CCDC12: variants seen among roughly 807,000 people sequenced by gnomAD.
CCDC12 encodes coiled-coil domain-containing protein 12.
A neutral mutation model predicts 25.7 loss-of-function variants in CCDC12; 28 were observed. The ratio of observed to expected loss-of-function variants is 1.09; its 90% confidence interval spans 0.81 to 1.50. The LOEUF (loss-of-function observed/expected upper bound fraction) is 1.50. CCDC12 is among the 40% of genes most tolerant of loss of function. The pLI is 0.00. For missense variants in CCDC12, 198 were observed against 210.0 expected (o/e 0.94, Z 0.35); for synonymous variants, 75 against 87.7 (o/e 0.86, Z 0.81).
At position 46,921,993 on chromosome 3, in the gene CCDC12, TC is replaced by T; in HGVS notation, c.*63del. ...GAGGTGATGGCAAGCCTAGCCCCCATCCCTGCCCAAGACCATCCTCTGCAGG... is the reference window on the plus strand; with the variant it reads ...GAGGTGATGGCAAGCCTAGCCCCCATCCTGCCCAAGACCATCCTCTGCAGG... On this transcript the variant is annotated 3_prime_UTR_variant, in exon 7 of 7. Coordinates refer to ENST00000683445, the MANE Select transcript of CCDC12 (RefSeq NM_001277074.2). 1.4e-5 allele frequency: 22 copies of T among 1,565,186 alleles called. No individual in the cohort carries two copies. Among genetic ancestry groups the T allele is most frequent in the Non-Finnish European group, 1.9e-5 (22 of 1,139,304 alleles).
rs552073324 is a variant in CCDC12, at chr3:46,964,815, T to G, written c.96+11822A>C. Among the ~76,000 whole-genome samples the G allele has an allele frequency of 2.1e-3, 319 of 152,148 alleles. 2 individuals are homozygous for G. Among genetic ancestry groups the G allele is most frequent in the African/African-American group, 7.4e-3 (305 of 41,452 alleles). On this transcript the variant is annotated intron_variant, in intron 1 of 6. Coordinates refer to ENST00000683445, the MANE Select transcript of CCDC12 (RefSeq NM_001277074.2). ...AAGTACCCAGGGACACAAACACTGC[T>G]GAAGGCCGCAGGGTCCTCTGCCTAG...
upstream of CCDC12, chr3:46,976,760 C>A (rs762337276): frequency 5.0e-6 from 8 of 1,586,148 alleles, no homozygotes; most frequent in Non-Finnish European, 6.0e-6. Flanking sequence ...CTCCTTTTCT[C>A]CCGTCTTGCA....
rs144709470 is a variant in CCDC12, at chr3:46,922,937, AG to A, written c.341+391del. The stretch of plus-strand genomic sequence containing the variant: ...AAGGATGACGACCTCCATTTCACAG[AG>A]GAGGAAACCAGGGCCAGAGGGAACA... On this transcript the variant is annotated intron_variant, in intron 5 of 6. Coordinates refer to ENST00000683445, the MANE Select transcript of CCDC12 (RefSeq NM_001277074.2). The A allele has an allele frequency of 4.3e-3, 805 of 186,570 alleles. 6 individuals carry two copies. The highest frequency in any genetic ancestry group is 0.018 in the African/African-American group (770 of 42,770). 11.6% of individuals were successfully genotyped at this position (186,570 alleles called of 1,614,324 possible). A position where few individuals can be genotyped will look rare whatever the true frequency, so the allele number is the denominator to read the frequency against.
chr3:46,922,030 T>C lies in CCDC12; in HGVS notation c.*27A>G, dbSNP rs1313439189. 26 of 1,611,808 alleles carry C rather than the reference T, an allele frequency of 1.6e-5. No individual in the cohort carries two copies. Among genetic ancestry groups the C allele is most frequent in the Non-Finnish European group, 2.0e-5 (24 of 1,178,962 alleles). ...ACCATCCTCTGCAGGACAGGCCTGA[T>C]GGGCGAGTGGTGGGGCAGGGCATGC... On this transcript the variant is annotated 3_prime_UTR_variant, in exon 7 of 7. Coordinates refer to ENST00000683445, the MANE Select transcript of CCDC12 (RefSeq NM_001277074.2).
At chr3:46,957,523 A>G (rs764153131) in intron 1 of CCDC12, among the ~76,000 whole-genome samples, 13 of 152,196 alleles carry the variant, frequency 8.5e-5, no homozygotes, top group Non-Finnish European at 1.9e-4. Context: ...TTGTTTGCAA[A>G]TAAGTGCCTT....
At chr3:46,970,120 G>A (rs1380065867) in intron 1 of CCDC12, among the ~76,000 whole-genome samples, 1 of 151,896 alleles carries the variant, frequency 6.6e-6, no homozygotes, top group Non-Finnish European at 1.5e-5. Flanking sequence ...TGCCCAGGCT[G>A]GTCTCAAACT....
intron 1 of CCDC12, among the ~76,000 whole-genome samples, chr3:46,951,228 G>A (rs2034103648): frequency 6.6e-6 from 1 of 152,176 alleles, no homozygotes; most frequent in African/African-American, 2.4e-5. Context: ...TTGCAGGAGA[G>A]GTGGAGAAAG....
chr3:46,930,598 C>G (rs773997452), intron 2 of CCDC12, among the ~76,000 whole-genome samples: 44 of 152,234 alleles, frequency 2.9e-4, no homozygotes, highest in Admixed American at 1.4e-3. Context: ...TCCACAGGAG[C>G]AGACACATCA....
intron 2 of CCDC12, among the ~76,000 whole-genome samples, chr3:46,927,953 G>T (rs1363185642): frequency 6.6e-6 from 1 of 152,180 alleles, no homozygotes; most frequent in Admixed American, 6.5e-5. Flanking sequence ...AAGGAGCATG[G>T]GGGGGTTCAG....
upstream of CCDC12, among the ~76,000 whole-genome samples, chr3:46,977,690 C>T (rs530457094): frequency 6.6e-6 from 1 of 152,256 alleles, no homozygotes; most frequent in Admixed American, 6.5e-5. Flanking sequence ...CAAAGATGAT[C>T]CCCTCTCATT....
chr3:46,922,328 A>G lies in CCDC12; in HGVS notation c.342-16T>C, dbSNP rs1012343609. 5.6e-6 allele frequency: 9 copies of G among 1,614,012 alleles called. No homozygotes were observed. In the Admixed American group the frequency reaches 1.0e-4, roughly 18 times the overall value. On this transcript the variant is annotated splice_polypyrimidine_tract_variant and intron_variant, in intron 5 of 6. Coordinates refer to ENST00000683445, the MANE Select transcript of CCDC12 (RefSeq NM_001277074.2). Reference sequence around the variant, plus strand: ...CTTGAGGTCCCTGGAGCAGGGAGGCAGGGAGAAGCAGGAAGGTGAAGGCTG... The same window carrying G: ...CTTGAGGTCCCTGGAGCAGGGAGGCGGGGAGAAGCAGGAAGGTGAAGGCTG...
chr3:46,966,200 A>C (rs2034634163), intron 1 of CCDC12: 1 of 152,644 alleles, frequency 6.6e-6, no homozygotes, highest in Non-Finnish European at 1.5e-5. Context: ...CTGTGCTCCC[A>C]GGTTGAAAAA....
At chr3:46,953,382 T>C (rs2034188072) in intron 1 of CCDC12, among the ~76,000 whole-genome samples, 1 of 152,112 alleles carries the variant, frequency 6.6e-6, no homozygotes, top group South Asian at 2.1e-4. Context: ...ACCATGGCAA[T>C]ACCATACATA....
At chr3:46,975,563 C>T (rs2034948231) in intron 1 of CCDC12, among the ~76,000 whole-genome samples, 1 of 143,134 alleles carries the variant, frequency 7.0e-6, no homozygotes, top group African/African-American at 2.6e-5. Context: ...CGGAGTCTCG[C>T]TCTGTCGCCC....
chr3:46,957,293 A>C (rs1343120320), intron 1 of CCDC12, among the ~76,000 whole-genome samples: 1 of 152,188 alleles, frequency 6.6e-6, no homozygotes, highest in East Asian at 1.9e-4. Context: ...GGCTAACTGT[A>C]GTATCTAGTA....
intron 2 of CCDC12, among the ~76,000 whole-genome samples, chr3:46,932,744 C>G (rs1014542668): frequency 6.6e-6 from 1 of 152,302 alleles, no homozygotes; most frequent in South Asian, 2.1e-4. Context: ...GGAGTGGGAG[C>G]GCCTTTGTGC....
rs780893792 is a variant in CCDC12 at position 46,925,487 on chromosome 3, C to T, written c.213G>A (p.Lys71=). 2 of 1,609,986 alleles carry T rather than the reference C, an allele frequency of 1.2e-6. No individual in the cohort carries two copies. The highest frequency in any genetic ancestry group is 4.5e-5 in the East Asian group (2 of 44,734). ...NYVPEDEDLK[K]RRVPQAKPVA... ...CCGGTTTGGCCTGGGGCACCCTCCT[C>T]TTCTTCAGGTCCTCATCCTCCGGGA... is the stretch of plus-strand genomic sequence containing the variant. Residue 71 remains lysine (K), a synonymous_variant, in exon 3 of 7, where the codon AAG becomes AAA. Coordinates refer to ENST00000683445, the MANE Select transcript of CCDC12 (RefSeq NM_001277074.2).
intron 5 of CCDC12, 29 bp downstream of exon 5, chr3:46,923,300 T>C (rs775169053): frequency 6.8e-7 from 1 of 1,473,308 alleles, no homozygotes; most frequent in East Asian, 2.4e-5. Flanking sequence ...CGAGTCAGCC[T>C]GCACCCGCCA....
intron 2 of CCDC12, among the ~76,000 whole-genome samples, chr3:46,931,127 G>T (rs1292979485): frequency 6.6e-6 from 1 of 152,228 alleles, no homozygotes; most frequent in East Asian, 1.9e-4. Flanking sequence ...CTGGGCCGGG[G>T]CAGCCAACCC....
Sources: allele counts gnomAD v4.1 joint callset (sites outside exome capture counted in the v4.1 genomes callset), GRCh38; gene constraint gnomAD v4.1.1; transcripts MANE v1.5; gene names NCBI Gene and HGNC (gene_info 2026-07-23, HGNC 2026-07-21).